Variants in DENND2B observed in about 807,000 individuals in gnomAD.
The protein encoded by DENND2B is DENN domain containing 2B.
A neutral mutation model predicts 116.0 loss-of-function variants in DENND2B; 32 were observed. The ratio of observed to expected loss-of-function variants is 0.28; its 90% CI spans 0.21 to 0.37. The LOEUF is 0.37. DENND2B is among the 10% of genes least tolerant of loss of function. DENND2B has a pLI of 1.00. For synonymous variants in DENND2B, 588 were observed against 583.9 expected, an observed-to-expected ratio of 1.01 and a Z score of -0.10; for missense variants, 1,276 against 1,477.7, an observed-to-expected ratio of 0.86 and a Z score of 2.24.
chr11:8,753,086 A>G (rs1334229171), intron 1 of DENND2B, among the ~76,000 whole-genome samples: 1 of 152,076 alleles, frequency 6.6e-6, no homozygotes, highest in Non-Finnish European at 1.5e-5. Flanking sequence ...AAGATACAAA[A>G]ATTAGCCAAG....
intron 4 of DENND2B, among the ~76,000 whole-genome samples, chr11:8,838,901 A>C (rs1436960412): frequency 1.3e-5 from 2 of 152,224 alleles, no homozygotes; most frequent in Non-Finnish European, 2.9e-5. Flanking sequence ...AAAATCTCAG[A>C]GCAACATAGA....
At chr11:8,710,052 C>T (rs530033622) in intron 11 of DENND2B, among the ~76,000 whole-genome samples, 1 of 152,098 alleles carries the variant, frequency 6.6e-6, no homozygotes, top group Non-Finnish European at 1.5e-5. Flanking sequence ...AATGAATGGC[C>T]GGCCCCAAAT....
chr11:8,854,015 A>G lies in DENND2B; in HGVS notation c.-156+3328T>C, dbSNP rs1400663307. ...AGGTGAATGCCACCATGCCCCAGTT[A>G]ATTTTTTTTTTTTTTTTTTTTTTTT... On this transcript the variant is annotated intron_variant, in intron 3 of 6. Transcript: ENST00000524757. 5.6e-3 allele frequency among the ~76,000 whole-genome samples: 283 copies of G among 50,236 alleles called. 1 individual carries two copies. Among genetic ancestry groups the G allele is most frequent in the Middle Eastern group, 0.015 (1 of 66 alleles). The allele number at this position is 50,236 out of a possible 152,430, so 33.0% of individuals were successfully genotyped here.
At chr11:8,806,605 A>AACACACACACACACAAACACACACACAC (rs2060865132) in intron 1 of DENND2B, among the ~76,000 whole-genome samples, 2 of 118,494 alleles carry the variant, frequency 1.7e-5, no homozygotes, top group Non-Finnish European at 3.5e-5. Flanking sequence ...CTCCCTTCAA[A>AACACACACACACACAAACACACACACAC]ACACACACAC....
intron 3 of DENND2B, among the ~76,000 whole-genome samples, chr11:8,728,271 G>T (rs1303820586): frequency 6.6e-6 from 1 of 151,994 alleles, no homozygotes; most frequent in Non-Finnish European, 1.5e-5. Context: ...CCAAAGTGCT[G>T]GAATTACAGG....
At chr11:8,787,852 T>C (rs1224486195) in intron 1 of DENND2B, among the ~76,000 whole-genome samples, 1 of 152,248 alleles carries the variant, frequency 6.6e-6, no homozygotes, top group Non-Finnish European at 1.5e-5. Context: ...CTAGCTCATC[T>C]ACAAATCCAC....
intron 1 of DENND2B, among the ~76,000 whole-genome samples, chr11:8,773,478 C>G (rs2057226028): frequency 1.3e-5 from 2 of 152,168 alleles, no homozygotes; most frequent in Non-Finnish European, 2.9e-5. Flanking sequence ...AGAAGAGTAT[C>G]CAGAAGCCCA....
intron 4 of DENND2B, among the ~76,000 whole-genome samples, chr11:8,837,075 T>C (rs372116984): frequency 1.3e-5 from 2 of 152,114 alleles, no homozygotes; most frequent in African/African-American, 2.4e-5. Context: ...GCAAAATACT[T>C]TGGAGATTGT....
At chr11:8,873,657 A>G (rs1004727371), upstream of DENND2B, among the ~76,000 whole-genome samples, 1 of 152,250 alleles carries the variant, frequency 6.6e-6, no homozygotes, top group Non-Finnish European at 1.5e-5. Context: ...ACTATGTATA[A>G]GAGATGGCAA....
intron 1 of DENND2B, among the ~76,000 whole-genome samples, chr11:8,904,357 G>A (rs535589138): frequency 6.6e-6 from 1 of 152,008 alleles, no homozygotes; most frequent in East Asian, 1.9e-4. Flanking sequence ...CACTAAACCA[G>A]GAATAGAAGG....
chr11:8,775,986 G>A (rs1264385857), intron 1 of DENND2B, among the ~76,000 whole-genome samples: 1 of 151,834 alleles, frequency 6.6e-6, no homozygotes, highest in African/African-American at 2.4e-5. Flanking sequence ...CTCCTTAACC[G>A]CCAATCACAC....
upstream of DENND2B, among the ~76,000 whole-genome samples, chr11:8,812,808 T>C (rs149393332): frequency 2.5e-4 from 38 of 152,316 alleles, no homozygotes; most frequent in African/African-American, 8.9e-4. Context: ...TTTACTCCTC[T>C]TGACAACTCC....
chr11:8,700,783 A>G (rs993981665), intron 14 of DENND2B, among the ~76,000 whole-genome samples: 3 of 152,134 alleles, frequency 2.0e-5, no homozygotes, highest in African/African-American at 7.2e-5. Context: ...TTATGGAGAG[A>G]GGAAAAGTTT....
chr11:8,866,915 T>C (rs1023177047), intron 2 of DENND2B, among the ~76,000 whole-genome samples: 1 of 152,198 alleles, frequency 6.6e-6, no homozygotes, highest in Non-Finnish European at 1.5e-5. Context: ...CTCCAAGGTG[T>C]GAGAGGCTCT....
chr11:8,850,128 C>A (rs1443447833), intron 3 of DENND2B, among the ~76,000 whole-genome samples: 1 of 152,116 alleles, frequency 6.6e-6, no homozygotes, highest in Non-Finnish European at 1.5e-5. Flanking sequence ...GAGGGATACC[C>A]AGTCACACAC....
At chr11:8,757,425 A>G (rs2053811713) in intron 1 of DENND2B, among the ~76,000 whole-genome samples, 1 of 152,204 alleles carries the variant, frequency 6.6e-6, no homozygotes, top group South Asian at 2.1e-4. Flanking sequence ...TTAACATGGA[A>G]GACACAGTCC....
At chr11:8,824,690 ATT>A (rs777570022) in intron 4 of DENND2B, among the ~76,000 whole-genome samples, 8 of 143,392 alleles carry the variant, frequency 5.6e-5, no homozygotes, top group Non-Finnish European at 4.6e-5. Flanking sequence ...ATCAAACAAA[ATT>A]TTTTTTTTTT....
chr11:8,800,701 TAAC>T (rs909036730), intron 1 of DENND2B, among the ~76,000 whole-genome samples: 2 of 152,200 alleles, frequency 1.3e-5, no homozygotes, highest in Non-Finnish European at 2.9e-5. Context: ...CAACAAGAGA[TAAC>T]AACAAAGCTC....
intron 3 of DENND2B, among the ~76,000 whole-genome samples, chr11:8,849,490 CAAAAAAAAAAAAAA>C (rs35966963): frequency 1.6e-5 from 1 of 63,568 alleles, no homozygotes; most frequent in Non-Finnish European, 3.0e-5. Flanking sequence ...TAGACTGTCT[CAAAAAAAAAAAAAA>C]AAAAAAAAAC....
Sources: allele counts gnomAD v4.1 joint callset (sites outside exome capture counted in the v4.1 genomes callset), GRCh38; gene constraint gnomAD v4.1.1; transcripts MANE v1.5; gene names NCBI Gene and HGNC (gene_info 2026-07-23, HGNC 2026-07-21).